Variants in CWC22 observed in about 807,000 individuals in gnomAD.
CWC22 encodes the protein CWC22 spliceosome associated protein.
A neutral mutation model predicts 117.2 loss-of-function variants in CWC22; 53 were observed. The ratio of observed to expected loss-of-function variants is 0.45; its 90% CI spans 0.36 to 0.57. The LOEUF is 0.57. Ranked by LOEUF, CWC22 falls within the 20% of genes least tolerant of loss-of-function variation. CWC22 has a pLI of 0.00. For synonymous variants in CWC22, 360 were observed against 355.6 expected (o/e 1.01, Z -0.14); for missense variants, 980 against 1,068.8 (o/e 0.92, Z 1.16).
rs1687993411 is a variant in CWC22, at chr2:180,006,857, C to G, written c.-114+10G>C. ...GGCAGTCAGTTCATGGCAGCCCATT[C>G]CCTCCCCACCTGCTTGGACCTAGCC... On this transcript the variant is annotated intron_variant, in intron 1 of 19. Coordinates refer to ENST00000410053, the MANE Select transcript of CWC22 (RefSeq NM_020943.3). 6.6e-6 allele frequency: 1 copy of G among 152,508 alleles called. No individual in the cohort carries two copies. Among genetic ancestry groups the G allele is most frequent in the Admixed American group, 6.5e-5 (1 of 15,288 alleles). The allele number at this position is 152,508 out of a possible 1,614,324, so 9.4% of individuals were successfully genotyped here.
At chr2:179,956,284 T>C (rs1466042696) in intron 14 of CWC22, among the ~76,000 whole-genome samples, 1 of 151,836 alleles carries the variant, frequency 6.6e-6, no homozygotes, top group Non-Finnish European at 1.5e-5. Context: ...TTCAACATGG[T>C]AGCCGCTAGC....
At chr2:179,978,084 T>C in intron 6 of CWC22, 106 bp downstream of exon 6, 1 of 1,212,224 alleles carries the variant, frequency 8.2e-7, no homozygotes, top group Non-Finnish European at 1.1e-6. Flanking sequence ...CTCAATGACC[T>C]TTGAAATGAA....
intron 1 of CWC22, among the ~76,000 whole-genome samples, chr2:179,996,831 T>TAA (rs59254022): frequency 5.4e-4 from 81 of 148,790 alleles, no homozygotes; most frequent in Middle Eastern, 3.5e-3. Flanking sequence ...TGTTAAAAGA[T>TAA]AAAAAAAAAA....
At position 179,971,016 on chromosome 2, in the gene CWC22, T is replaced by A. The variant is rs753856376; in HGVS notation, c.865A>T (p.Ser289Cys). The part of the protein sequence containing the change: ...TLLLERPTDD[S>C]VEVAIGFLKE... ...AGAAAACCAATAGCTACTTCAACGC[T>A]ATCATCTGTTGGTCTTTCCAGGAGC... The change falls in exon 9 of 20, where the codon AGC (serine) becomes TGC (cysteine). Residue 289 changes from serine (S) to cysteine (C), a missense_variant. Physicochemically the swap from Ser to Cys is moderately radical, Grantham distance 112. Around this residue, in one of 3 missense-constraint regions of CWC22, gnomAD observed 559 missense variants for 602.3 expected, o/e 0.93. Coordinates refer to ENST00000410053, the MANE Select transcript of CWC22 (RefSeq NM_020943.3). 2.6e-5 allele frequency: 42 copies of A among 1,610,980 alleles called. No homozygotes were observed. Among genetic ancestry groups the A allele is most frequent in the Non-Finnish European group, 3.4e-5 (40 of 1,177,794 alleles).
intron 4 of CWC22, among the ~76,000 whole-genome samples, chr2:179,984,050 C>T (rs1396008893): frequency 6.6e-6 from 1 of 152,024 alleles, no homozygotes; most frequent in Non-Finnish European, 1.5e-5. Flanking sequence ...CTGCATAATA[C>T]CTAGCCTGCT....
intron 5 of CWC22, 90 bp from the exon 6 acceptor site, chr2:179,978,408 T>C: frequency 1.6e-6 from 2 of 1,285,198 alleles, no homozygotes; most frequent in Non-Finnish European, 2.0e-6. Flanking sequence ...GCTCCTTAAT[T>C]TTTGACATTA....
chr2:179,999,276 C>T (rs1687786470), intron 1 of CWC22, among the ~76,000 whole-genome samples: 1 of 152,106 alleles, frequency 6.6e-6, no homozygotes, highest in Non-Finnish European at 1.5e-5. Context: ...GAGTTTATAG[C>T]ACTCTCTGCT....
At chr2:179,965,232 T>C (rs1429410457) in intron 12 of CWC22, among the ~76,000 whole-genome samples, 8 of 152,248 alleles carry the variant, frequency 5.3e-5, no homozygotes, top group Non-Finnish European at 1.0e-4. Context: ...AATTGTACTA[T>C]AAGACAGAGT....
At chr2:179,963,263 C>A (rs1686799495) in intron 13 of CWC22, among the ~76,000 whole-genome samples, 1 of 151,282 alleles carries the variant, frequency 6.6e-6, no homozygotes, top group South Asian at 2.1e-4. Flanking sequence ...AAGGTCAAAC[C>A]CAAAGAATAT....
rs1254670919 is a variant in CWC22, at chr2:179,950,586, C to T, written c.2066G>A (p.Ser689Asn). Residue 689 changes from serine (S) to asparagine (N), a missense_variant, in exon 19 of 20, where the codon AGC becomes AAC. Ser to Asn is a conservative substitution (Grantham distance 46, BLOSUM62 1). This residue lies in a region of CWC22 where 306 missense variants were observed against 296.8 expected (regional missense o/e 1.03). Coordinates refer to ENST00000410053, the MANE Select transcript of CWC22 (RefSeq NM_020943.3). ...GGAAGACTCTGAACTGCTATCACTG[C>T]TGTCAGAATCAGAGTCGGATGAGTC... ...ESDSSDSDSD[S>N]SDSSSESSSE... 3.7e-6 allele frequency: 6 copies of T among 1,613,238 alleles called. No homozygotes were observed. Among genetic ancestry groups the T allele is most frequent in the Middle Eastern group, 1.6e-4 (1 of 6,078 alleles).
chr2:179,954,334 C>T lies in CWC22; in HGVS notation c.1560G>A (p.Glu520=), dbSNP rs751908981. Residue 520 remains glutamate (E), a synonymous_variant, in exon 16 of 20, where the codon GAG becomes GAA. Transcript: ENST00000410053. ...ATATACCTTCAAAGGATTCCATGTA[C>T]TCTTTCTTTAGCATGCAAAATCGCT... The part of the protein sequence containing the change: ...LAGRFCMLKK[E]YMESFEGIFK... 9 of 1,586,472 alleles carry T rather than the reference C, an allele frequency of 5.7e-6. No homozygotes were observed. Among genetic ancestry groups the T allele is most frequent in the East Asian group, 2.3e-5 (1 of 44,390 alleles).
chr2:180,000,099 C>A (rs1423146048), intron 1 of CWC22, among the ~76,000 whole-genome samples: 1 of 152,160 alleles, frequency 6.6e-6, no homozygotes, highest in Non-Finnish European at 1.5e-5. Flanking sequence ...GGAAAACTTA[C>A]TTGTTTTAGA....
At chr2:179,997,261 G>A (rs568414665) in intron 1 of CWC22, among the ~76,000 whole-genome samples, 1 of 151,822 alleles carries the variant, frequency 6.6e-6, no homozygotes, top group African/African-American at 2.4e-5. Context: ...GATACAATAT[G>A]GACTCTAAGT....
rs1175103916 is a variant in CWC22, at chr2:179,945,476, G to A, written c.2380C>T (p.Arg794Ter). The A allele has an allele frequency of 2.5e-6, 4 of 1,612,472 alleles. No homozygotes were observed. The highest frequency in any genetic ancestry group is 1.7e-5 in the Admixed American group (1 of 59,972). ...YTSDKDVPSE[R>*]NNYSRVANDR... is the part of the protein sequence containing the mutation. ...TTCGCAACTCTACTGTAGTTATTTC[G>A]TTCAGAAGGAACATCTTTGTCTGAT... Residue 794 changes from arginine (R) to a stop codon, truncating the protein, a stop_gained, in exon 20 of 20, where the codon CGA becomes TGA. Transcript: ENST00000410053. LOFTEE classifies it high-confidence loss of function.
At chr2:179,980,416 C>CTT (rs748844659) in intron 5 of CWC22, among the ~76,000 whole-genome samples, 1 of 115,108 alleles carries the variant, frequency 8.7e-6, no homozygotes, top group African/African-American at 3.2e-5. Context: ...AATGACATTT[C>CTT]TTATTTTTTT....
intron 5 of CWC22, among the ~76,000 whole-genome samples, chr2:179,979,338 T>C (rs1687230672): frequency 6.6e-6 from 1 of 152,198 alleles, no homozygotes; most frequent in African/African-American, 2.4e-5. Flanking sequence ...AGCATGGCCA[T>C]AATCCGTATC....
Position 179,945,497 on chromosome 2 carries a change from C to G in CWC22, c.2359G>C (p.Asp787His), listed in dbSNP as rs1236814332. ...WRDPITKYTS[D>H]KDVPSERNNY... ...TTTCGTTCAGAAGGAACATCTTTGT[C>G]TGATGTGTACTTTGTTATAGGATCT... The change falls in exon 20 of 20, where the codon GAC becomes CAC. Residue 787 changes from aspartate (D) to histidine (H), a missense_variant. Transcript: ENST00000410053. 1 of 1,612,896 alleles carries G rather than the reference C, an allele frequency of 6.2e-7. No homozygotes were observed. Among genetic ancestry groups the G allele is most frequent in the East Asian group, 2.2e-5 (1 of 44,802 alleles).
Position 179,954,315 on chromosome 2 carries a change from C to G in CWC22, c.1579G>C (p.Gly527Arg), listed in dbSNP as rs1207909875. ...GTATCATACTGTTCTTTGAATATAC[C>G]TTCAAAGGATTCCATGTACTCTTTC... Reference protein sequence around the residue: ...LKKEYMESFEGIFKEQYDTIH... With the variant: ...LKKEYMESFERIFKEQYDTIH... Residue 527 changes from glycine to arginine, a missense_variant, in exon 16 of 20, where the codon GGT becomes CGT. Transcript: ENST00000410053. 1 of 1,600,830 alleles carries G rather than the reference C, an allele frequency of 6.2e-7. No individual in the cohort carries two copies. Among genetic ancestry groups the G allele is most frequent in the African/African-American group, 1.3e-5 (1 of 74,666 alleles).
chr2:179,979,683 C>T (rs1367667625), intron 5 of CWC22, among the ~76,000 whole-genome samples: 1 of 152,156 alleles, frequency 6.6e-6, no homozygotes, highest in Non-Finnish European at 1.5e-5. Context: ...TCTAAATTCT[C>T]TATAAATTAT....
Sources: allele counts gnomAD v4.1 joint callset (sites outside exome capture counted in the v4.1 genomes callset), GRCh38; gene constraint gnomAD v4.1.1; regional missense constraint gnomAD v4.1.1; transcripts MANE v1.5; gene names NCBI Gene and HGNC (gene_info 2026-07-23, HGNC 2026-07-21).